ARHGAP8: variants seen among roughly 807,000 people sequenced by gnomAD.
ARHGAP8 encodes the protein rho GTPase-activating protein 8.
ARHGAP8 carries 62 observed loss-of-function variants against 46.1 expected under a neutral mutation model. The observed-to-expected ratio is 1.34, with a 90% CI of 1.10 to 1.66. The LOEUF (loss-of-function observed/expected upper bound fraction) is 1.66. Ranked by LOEUF, ARHGAP8 falls within the 40% of genes most tolerant of loss-of-function variation. The probability of loss-of-function intolerance (pLI) is 0.00; values close to 1 mark genes in which losing one functional copy is unlikely to be tolerated. For synonymous variants in ARHGAP8, 375 were observed against 243.1 expected (o/e 1.54, Z -5.05); for missense variants, 923 against 568.4 (o/e 1.62, Z -6.34).
chr22:44,778,048 A>G (rs946601112), intron 1 of ARHGAP8, among the ~76,000 whole-genome samples: 2 of 147,380 alleles, frequency 1.4e-5, no homozygotes, highest in Non-Finnish European at 3.0e-5. Flanking sequence ...ATTTATTTCC[A>G]TAGGTTATTG....
At chr22:44,841,147 G>A (rs1031908882) in intron 7 of ARHGAP8, among the ~76,000 whole-genome samples, 3 of 152,210 alleles carry the variant, frequency 2.0e-5, no homozygotes, top group African/African-American at 7.2e-5. Flanking sequence ...TAGGGAACGG[G>A]GGAGGGAAGA....
At chr22:44,796,975 T>C (rs1429012334) in intron 2 of ARHGAP8, among the ~76,000 whole-genome samples, 1 of 152,184 alleles carries the variant, frequency 6.6e-6, no homozygotes, top group Non-Finnish European at 1.5e-5. Flanking sequence ...ATGATGGGTG[T>C]GGCTGCCAGG....
At chr22:44,848,172 T>G in intron 9 of ARHGAP8, 122 bp downstream of exon 9, 1 of 1,386,752 alleles carries the variant, frequency 7.2e-7, no homozygotes, top group Non-Finnish European at 9.8e-7. Flanking sequence ...CAGAAAACAC[T>G]CAGGGTGGGG....
At chr22:44,854,308 C>A in intron 10 of ARHGAP8, among the ~76,000 whole-genome samples, 1 of 146,626 alleles carries the variant, frequency 6.8e-6, no homozygotes, top group African/African-American at 2.5e-5. Context: ...CTGATCTTGG[C>A]TCATTACAAC....
intron 11 of ARHGAP8, among the ~76,000 whole-genome samples, chr22:44,861,398 G>A (rs1033401902): frequency 7.2e-5 from 11 of 152,216 alleles, no homozygotes; most frequent in African/African-American, 1.9e-4. Context: ...TGGGGGCCTC[G>A]GCTTGAGGAG....
chr22:44,859,104 T>G (rs1029088462), intron 10 of ARHGAP8, among the ~76,000 whole-genome samples: 8 of 152,110 alleles, frequency 5.3e-5, no homozygotes, highest in Non-Finnish European at 1.0e-4. Flanking sequence ...ATTTATAAAG[T>G]GATTCGGCTT....
Position 44,847,029 on chromosome 22 carries a change from G to A in ARHGAP8, c.671-944G>A, listed in dbSNP as rs546817653. On this transcript the variant is annotated intron_variant, in intron 8 of 11. Transcript: ENST00000356099. ...TGGCTGTGGGAGTGCGGGAGCGTGCGGGGCTTCGAGGAAGTTGGGAGGAGA... is the reference window on the plus strand; with the variant it reads ...TGGCTGTGGGAGTGCGGGAGCGTGCAGGGCTTCGAGGAAGTTGGGAGGAGA... 1.8e-4 allele frequency among the ~76,000 whole-genome samples: 27 copies of A among 152,316 alleles called. No homozygotes were observed. The East Asian group carries it at 2.1e-3, about 12-fold the overall frequency.
intron 7 of ARHGAP8, among the ~76,000 whole-genome samples, chr22:44,843,156 A>T (rs1393774969): frequency 6.6e-6 from 1 of 152,188 alleles, no homozygotes; most frequent in Non-Finnish European, 1.5e-5. Flanking sequence ...GAAGTGGGTA[A>T]CAGTAGCCTG....
chr22:44,861,391 G>A (rs1387763657), intron 11 of ARHGAP8, among the ~76,000 whole-genome samples: 2 of 152,216 alleles, frequency 1.3e-5, no homozygotes, highest in Non-Finnish European at 2.9e-5. Context: ...TGGCACCTGG[G>A]GGCCTCGGCT....
rs190321327 is a variant in ARHGAP8, at chr22:44,788,753, T to C, written c.79+2147T>C. Reference sequence around the variant, plus strand: ...AATTTTCTGTTTTAGTTTTCTAATATGGTAAATATATATGGATACAATCCG... The same window carrying C: ...AATTTTCTGTTTTAGTTTTCTAATACGGTAAATATATATGGATACAATCCG... On this transcript the variant is annotated intron_variant, in intron 2 of 11. Coordinates refer to ENST00000356099, the MANE Select transcript of ARHGAP8 (RefSeq NM_181335.3). Among the ~76,000 whole-genome samples, 936 of 152,320 alleles carry C rather than the reference T, an allele frequency of 6.1e-3. 5 individuals are homozygous for C. The highest frequency in any genetic ancestry group is 0.01 in the Middle Eastern group (3 of 294).
At chr22:44,823,664 C>A (rs968312325) in intron 6 of ARHGAP8, among the ~76,000 whole-genome samples, 1 of 152,140 alleles carries the variant, frequency 6.6e-6, no homozygotes, top group African/African-American at 2.4e-5. Context: ...TCCATGGAGA[C>A]GGCTCAGAAG....
intron 1 of ARHGAP8, among the ~76,000 whole-genome samples, chr22:44,769,116 T>C (rs5764995): frequency 0.89 from 136,025 of 152,194 alleles, 60,944 homozygotes; most frequent in African/African-American, 0.95. Context: ...ATTACAGGCA[T>C]GAGGCACCGT....
intron 2 of ARHGAP8, among the ~76,000 whole-genome samples, chr22:44,797,796 G>A (rs1264315599): frequency 6.6e-6 from 1 of 151,966 alleles, no homozygotes; most frequent in Non-Finnish European, 1.5e-5. Flanking sequence ...GAGTACGTGT[G>A]TGCACGCAAG....
At chr22:44,787,037 C>CAAAA (rs57241720) in intron 2 of ARHGAP8, among the ~76,000 whole-genome samples, 7 of 119,126 alleles carry the variant, frequency 5.9e-5, no homozygotes, top group Admixed American at 3.9e-4. Context: ...CTCAAAAAAA[C>CAAAA]AAAAAAAAAA....
intron 2 of ARHGAP8, 131 bp from the exon 3 acceptor site, chr22:44,801,946 C>A: frequency 2.0e-6 from 2 of 999,290 alleles, no homozygotes; most frequent in Non-Finnish European, 1.5e-6. Flanking sequence ...GCAGGTGTCG[C>A]CTCCGAGGAA....
At chr22:44,758,953 GGA>G (rs1924909153) in intron 1 of ARHGAP8, among the ~76,000 whole-genome samples, 1 of 152,180 alleles carries the variant, frequency 6.6e-6, no homozygotes, top group Non-Finnish European at 1.5e-5. Context: ...TTTTTAGGCG[GGA>G]GAAGAGAAAG....
chr22:44,790,706 G>T (rs1294482199), intron 2 of ARHGAP8, among the ~76,000 whole-genome samples: 1 of 138,774 alleles, frequency 7.2e-6, no homozygotes, highest in East Asian at 2.2e-4. Flanking sequence ...AAAAGAGAAG[G>T]GGGAGCCCTG....
chr22:44,763,873 C>G (rs913973239), intron 1 of ARHGAP8, among the ~76,000 whole-genome samples: 6 of 146,954 alleles, frequency 4.1e-5, no homozygotes, highest in South Asian at 4.3e-4. Context: ...TGCAGTGGCA[C>G]AATCTCGGCT....
chr22:44,789,450 C>T (rs780868539), intron 2 of ARHGAP8, among the ~76,000 whole-genome samples: 51 of 151,540 alleles, frequency 3.4e-4, no homozygotes, highest in African/African-American at 1.1e-3. Context: ...TGCGCCCGGC[C>T]GATGCTTTGT....
Sources: allele counts gnomAD v4.1 joint callset (sites outside exome capture counted in the v4.1 genomes callset), GRCh38; gene constraint gnomAD v4.1.1; transcripts MANE v1.5; gene names NCBI Gene and HGNC (gene_info 2026-07-23, HGNC 2026-07-21).